The following DHX8 variants were observed in gnomAD, a reference collection of about 807,000 sequenced individuals.
DHX8 encodes the protein DEAH-box helicase 8, also known as ATP-dependent RNA helicase DHX8.
DHX8 carries 67 observed loss-of-function variants against 140.7 expected under a neutral mutation model. That is an observed-to-expected ratio of 0.48 (90% CI 0.39 to 0.58). The LOEUF (loss-of-function observed/expected upper bound fraction) is 0.58, where lower values mean the gene tolerates loss of function less well. Ranked by LOEUF, DHX8 falls within the 20% of genes least tolerant of loss-of-function variation. DHX8 has a pLI of 0.00. For missense variants in DHX8, 887 were observed against 1,550.7 expected (o/e 0.57, Z 7.19); for synonymous variants, 533 against 553.2 (o/e 0.96, Z 0.51).
Position 43,517,319 on chromosome 17 carries a change from C to A in DHX8, c.2796C>A (p.Leu932=), listed in dbSNP as rs1392751103. ...ACTTAGCAAGCACAGTGCTGTCACT[C>A]AAGGTAGAAATCACTGTCTTGTTAA... is the stretch of plus-strand genomic sequence containing the variant. ...RTNLASTVLS[L]KAMGINDLLS... Residue 932 remains leucine, a synonymous_variant, in exon 18 of 23, where the codon CTC becomes CTA. Transcript: ENST00000262415. The A allele has an allele frequency of 6.2e-7, 1 of 1,613,406 alleles. No individual in the cohort carries two copies. Among genetic ancestry groups the A allele is most frequent in the South Asian group, 1.1e-5 (1 of 90,970 alleles).
chr17:43,519,961 A>G (rs1220023847), intron 18 of DHX8, 169 bp from the exon 19 acceptor site: 4 of 647,368 alleles, frequency 6.2e-6, no homozygotes. Context: ...TTTCTATTAT[A>G]ATAGTCTGAG....
chr17:43,525,732 G>A (rs1002847877), downstream of DHX8: 3 of 984,124 alleles, frequency 3.0e-6, no homozygotes, highest in Non-Finnish European at 3.6e-6. Flanking sequence ...AGCCTCCTGA[G>A]TAGCTGGGAC....
exon 3 of DHX8, chr17:43,536,416 C>T: frequency 6.2e-7 from 1 of 1,613,650 alleles, no homozygotes. Flanking sequence ...CCCCAGGGAC[C>T]TCTACTCACG....
chr17:43,496,932 C>A (rs1968893728), intron 9 of DHX8, among the ~76,000 whole-genome samples: 1 of 152,090 alleles, frequency 6.6e-6, no homozygotes, highest in Admixed American at 6.6e-5. Flanking sequence ...CCCATAATGA[C>A]TTTTTTGAAA....
intron 13 of DHX8, 125 bp downstream of exon 13, chr17:43,507,322 C>T (rs1598153787): frequency 1.0e-5 from 12 of 1,183,948 alleles, no homozygotes; most frequent in Middle Eastern, 2.9e-4. Context: ...AGAGGGTTCC[C>T]ATTGTCATAA....
chr17:43,496,385 C>T, intron 9 of DHX8, 117 bp downstream of exon 9: 1 of 656,146 alleles, frequency 1.5e-6, no homozygotes, highest in East Asian at 2.8e-5. Context: ...TCTCACTACT[C>T]ATCTCTCAAA....
chr17:43,488,297 GAAAA>G (rs916075602), intron 1 of DHX8, among the ~76,000 whole-genome samples: 1 of 81,374 alleles, frequency 1.2e-5, no homozygotes, highest in Non-Finnish European at 2.7e-5. Context: ...AAAAAAAAAA[GAAAA>G]AAAGAAAGTT....
rs1292588107 is a variant in DHX8, at chr17:43,522,143, G to T, written c.3360G>T (p.Pro1120=). The change falls in exon 22 of 23, where the codon CCG becomes CCT. Residue 1120 remains proline, a synonymous_variant. Coordinates refer to ENST00000262415, the MANE Select transcript of DHX8 (RefSeq NM_004941.3). ...GFFRNAAKKD[P]QEGYRTLIDQ... is the part of the protein sequence containing the mutation. Reference sequence around the variant, plus strand: ...TCCGTAATGCTGCCAAGAAAGACCCGCAGGAGGGTTACCGGACACTGATCG... The same window carrying T: ...TCCGTAATGCTGCCAAGAAAGACCCTCAGGAGGGTTACCGGACACTGATCG... The T allele has an allele frequency of 6.2e-7, 1 of 1,614,086 alleles. No individual in the cohort carries two copies. The highest frequency in any genetic ancestry group is 8.5e-7 in the Non-Finnish European group (1 of 1,179,994).
chr17:43,503,009 A>G (rs1969285151), intron 11 of DHX8, among the ~76,000 whole-genome samples: 1 of 152,190 alleles, frequency 6.6e-6, no homozygotes, highest in Non-Finnish European at 1.5e-5. Flanking sequence ...CTAGAGAGCC[A>G]CTAAAATTCT....
intron 16 of DHX8, among the ~76,000 whole-genome samples, chr17:43,512,232 C>T (rs1416517290): frequency 2.0e-5 from 3 of 151,068 alleles, no homozygotes; most frequent in Non-Finnish European, 4.4e-5. Flanking sequence ...ACTAAAAATA[C>T]AAAAATTAGC....
At chr17:43,493,952 C>T in intron 8 of DHX8, 66 bp downstream of exon 8, 2 of 1,538,270 alleles carry the variant, frequency 1.3e-6, no homozygotes, top group Non-Finnish European at 1.8e-6. Context: ...TAGGGGTGTG[C>T]CCTGGAGCAC....
At chr17:43,529,251 GT>G (rs1443437054), downstream of DHX8, 1 of 1,613,408 alleles carries the variant, frequency 6.2e-7, no homozygotes, top group Admixed American at 1.7e-5. Context: ...GAACAAAACA[GT>G]TTTGGGGTAG....
At chr17:43,499,630 G>A (rs778901022) in intron 10 of DHX8, among the ~76,000 whole-genome samples, 4 of 152,004 alleles carry the variant, frequency 2.6e-5, no homozygotes, top group Non-Finnish European at 4.4e-5. Context: ...TGTCCACATT[G>A]GTCTTGATTT....
intron 3 of DHX8, among the ~76,000 whole-genome samples, chr17:43,539,357 C>T (rs978900380): frequency 4.6e-5 from 7 of 152,186 alleles, no homozygotes; most frequent in Admixed American, 3.9e-4. Flanking sequence ...ACTTTGACAT[C>T]TCTGGAGAGG....
chr17:43,523,480 G>T (rs1970488329), intron 22 of DHX8, 148 bp from the exon 23 acceptor site: 5 of 1,275,580 alleles, frequency 3.9e-6, no homozygotes, highest in Non-Finnish European at 5.3e-6. Flanking sequence ...GGGTGTGGCT[G>T]TCATAAACAG....
chr17:43,501,676 G>A (rs948425236), intron 11 of DHX8, among the ~76,000 whole-genome samples: 10 of 152,104 alleles, frequency 6.6e-5, no homozygotes, highest in Non-Finnish European at 1.2e-4. Flanking sequence ...GTAGAGACGA[G>A]GTTCCTCCAT....
intron 18 of DHX8, 61 bp from the exon 19 acceptor site, chr17:43,520,069 C>G (rs1486183044): frequency 6.3e-7 from 1 of 1,588,224 alleles, no homozygotes; most frequent in African/African-American, 1.3e-5. Context: ...GTAGCTTCCC[C>G]ACATGCTGAC....
chr17:43,514,997 T>G (rs988171374), intron 17 of DHX8, among the ~76,000 whole-genome samples: 1 of 152,140 alleles, frequency 6.6e-6, no homozygotes, highest in Non-Finnish European at 1.5e-5. Context: ...GTGCCCAAGA[T>G]TGAAAGCATG....
At chr17:43,526,702 C>T (rs904567681), downstream of DHX8, 6 of 1,485,584 alleles carry the variant, frequency 4.0e-6, no homozygotes, top group Admixed American at 2.0e-5. Context: ...TGTGTGTACT[C>T]GGCCTTCAGG....
Sources: allele counts gnomAD v4.1 joint callset (sites outside exome capture counted in the v4.1 genomes callset), GRCh38; gene constraint gnomAD v4.1.1; transcripts MANE v1.5; gene names NCBI Gene and HGNC (gene_info 2026-07-23, HGNC 2026-07-21).